The following PPIL1 variants were observed in gnomAD, a reference collection of about 807,000 sequenced individuals.
PPIL1 encodes peptidylprolyl isomerase like 1, also known as peptidyl-prolyl cis-trans isomerase-like 1.
Under a neutral mutation model 19.4 loss-of-function variants are expected in PPIL1, and 14 were observed. The ratio of observed to expected loss-of-function variants is 0.72; its 90% CI spans 0.48 to 1.13. PPIL1 has a LOEUF of 1.13. Ranked by LOEUF, PPIL1 falls within the 50% of genes most tolerant of loss-of-function variation. PPIL1 has a pLI of 0.00. For synonymous variants in PPIL1, 72 were observed against 73.6 expected (o/e 0.98, Z 0.11); for missense variants, 192 against 218.0 (o/e 0.88, Z 0.75).
At chr6:36,871,313 G>A (rs2150660552) in intron 2 of PPIL1, among the ~76,000 whole-genome samples, 1 of 152,268 alleles carries the variant, frequency 6.6e-6, no homozygotes, top group South Asian at 2.1e-4. Flanking sequence ...CACAAAACAG[G>A]TACTCAGTAT....
At chr6:36,861,900 C>T (rs1372252038) in intron 2 of PPIL1, among the ~76,000 whole-genome samples, 5 of 151,998 alleles carry the variant, frequency 3.3e-5, no homozygotes, top group South Asian at 2.1e-4. Context: ...TTCTCCATGT[C>T]GGTCAGGCTG....
rs770809325 is a variant in PPIL1 at position 36,855,817 on chromosome 6, C to A, written c.497G>T (p.Gly166Val). 1.9e-6 allele frequency: 3 copies of A among 1,614,080 alleles called. No homozygotes were observed. The highest frequency in any genetic ancestry group is 2.5e-6 in the Non-Finnish European group (3 of 1,179,994). The change falls in exon 4 of 4, where the codon GGG (glycine) becomes GTG (valine). Residue 166 changes from glycine to valine, a missense_variant. Coordinates refer to ENST00000373699, the MANE Select transcript of PPIL1 (RefSeq NM_016059.5). ...CTGCTCAAGAGGGTAGCAAGTCTACCCAGAAGGGTATGCCTTAATGATCTT... is the reference window on the plus strand; with the variant it reads ...CTGCTCAAGAGGGTAGCAAGTCTACACAGAAGGGTATGCCTTAATGATCTT... ...DVKIIKAYPS[G>V]
At chr6:36,857,591 A>G (rs1045304124) in intron 2 of PPIL1, among the ~76,000 whole-genome samples, 3 of 152,078 alleles carry the variant, frequency 2.0e-5, no homozygotes, top group Non-Finnish European at 4.4e-5. Flanking sequence ...CTGGGATTAT[A>G]GGCGTGAACC....
chr6:36,856,728 G>A (rs896921098), intron 2 of PPIL1, 74 bp from the exon 3 acceptor site: 1 of 1,389,116 alleles, frequency 7.2e-7, no homozygotes, highest in Non-Finnish European at 1.0e-6. Context: ...ATGGCCCAGG[G>A]TCAAAGGATT....
At chr6:36,861,459 G>A (rs143616950) in intron 2 of PPIL1, among the ~76,000 whole-genome samples, 5 of 152,256 alleles carry the variant, frequency 3.3e-5, no homozygotes, top group East Asian at 1.9e-4. Flanking sequence ...ATCCCTGCTC[G>A]CTCAAGTCCC....
chr6:36,874,627 T>G lies in PPIL1; in HGVS notation c.56+90A>C, dbSNP rs1774598674. ...ACGCCCCTCCACGTGGAGGCCGGCC[T>G]CCCGGAGGAACGCGCCAGGAACGCA... On this transcript the variant is annotated intron_variant, in intron 1 of 3. Transcript: ENST00000373699. 5 of 1,536,854 alleles carry G rather than the reference T, an allele frequency of 3.3e-6. No homozygotes were observed. In the Admixed American group the frequency reaches 8.5e-5, roughly 26 times the overall value.
intron 2 of PPIL1, among the ~76,000 whole-genome samples, chr6:36,869,790 T>C (rs1255976638): frequency 6.6e-6 from 1 of 152,196 alleles, no homozygotes; most frequent in Non-Finnish European, 1.5e-5. Flanking sequence ...AAGTACTAAT[T>C]GCCTCATCTT....
chr6:36,873,753 C>T (rs1337841320), intron 1 of PPIL1, among the ~76,000 whole-genome samples: 1 of 152,076 alleles, frequency 6.6e-6, no homozygotes, highest in Non-Finnish European at 1.5e-5. Context: ...CAGAACTCTG[C>T]TTTAGCTGAA....
At chr6:36,863,595 A>C (rs1297467582) in intron 2 of PPIL1, among the ~76,000 whole-genome samples, 1 of 152,142 alleles carries the variant, frequency 6.6e-6, no homozygotes, top group Non-Finnish European at 1.5e-5. Flanking sequence ...TCTATTTCCA[A>C]GTATCCTCCT....
chr6:36,865,098 A>G (rs756352450), intron 2 of PPIL1, among the ~76,000 whole-genome samples: 1 of 152,180 alleles, frequency 6.6e-6, no homozygotes, highest in Non-Finnish European at 1.5e-5. Flanking sequence ...GGTGCACGTA[A>G]CCACACTCCC....
intron 1 of PPIL1, among the ~76,000 whole-genome samples, chr6:36,872,434 T>C (rs567147294): frequency 6.6e-6 from 1 of 152,282 alleles, no homozygotes; most frequent in South Asian, 2.1e-4. Flanking sequence ...TGTGTTTGTT[T>C]GGGAGGGAGT....
intron 2 of PPIL1, among the ~76,000 whole-genome samples, chr6:36,870,740 C>A (rs906075150): frequency 2.6e-5 from 4 of 152,140 alleles, no homozygotes; most frequent in African/African-American, 7.2e-5. Context: ...TCTGCCTCAG[C>A]CTCCCGACTA....
At chr6:36,869,203 T>C (rs952764804) in intron 2 of PPIL1, among the ~76,000 whole-genome samples, 11 of 152,096 alleles carry the variant, frequency 7.2e-5, no homozygotes, top group Non-Finnish European at 1.0e-4. Flanking sequence ...AGGCTGGTCT[T>C]GAACTCCTGA....
chr6:36,857,932 A>T (rs987785497), intron 2 of PPIL1, among the ~76,000 whole-genome samples: 1 of 152,150 alleles, frequency 6.6e-6, no homozygotes, highest in African/African-American at 2.4e-5. Flanking sequence ...CTCTAAGAGC[A>T]AAAGGATGTA....
At chr6:36,867,906 T>C (rs948055433) in intron 2 of PPIL1, among the ~76,000 whole-genome samples, 1 of 152,226 alleles carries the variant, frequency 6.6e-6, no homozygotes, top group Non-Finnish European at 1.5e-5. Context: ...AGACTCCACT[T>C]ACACTGTATC....
intron 2 of PPIL1, 122 bp from the exon 3 acceptor site, chr6:36,856,776 C>T (rs1561844490): frequency 1.3e-6 from 1 of 772,736 alleles, no homozygotes; most frequent in Non-Finnish European, 2.2e-6. Flanking sequence ...GTGACACCTA[C>T]CCCACTGCTA....
At chr6:36,869,131 T>A (rs992521547) in intron 2 of PPIL1, among the ~76,000 whole-genome samples, 2 of 152,040 alleles carry the variant, frequency 1.3e-5, no homozygotes, top group Admixed American at 1.3e-4. Context: ...ATTACAGGCA[T>A]ATGCGACCAT....
At chr6:36,874,632 G>A in intron 1 of PPIL1, 85 bp downstream of exon 1, 4 of 1,550,632 alleles carry the variant, frequency 2.6e-6, no homozygotes, top group African/African-American at 1.4e-5. Flanking sequence ...CGGCCTCCCG[G>A]AGGAACGCGC....
chr6:36,858,388 G>C (rs1043375153), intron 2 of PPIL1, among the ~76,000 whole-genome samples: 2 of 152,034 alleles, frequency 1.3e-5, no homozygotes, highest in South Asian at 2.1e-4. Context: ...CAAGTTGAAC[G>C]GTCACGACAA....
Sources: allele counts gnomAD v4.1 joint callset (sites outside exome capture counted in the v4.1 genomes callset), GRCh38; gene constraint gnomAD v4.1.1; transcripts MANE v1.5; gene names NCBI Gene and HGNC (gene_info 2026-07-23, HGNC 2026-07-21).